The following CNKSR1 variants were observed in gnomAD, a reference collection of about 807,000 sequenced individuals.
The protein encoded by CNKSR1 is CNK homolog protein 1.
A neutral mutation model predicts 95.6 loss-of-function variants in CNKSR1; 88 were observed. The observed-to-expected ratio is 0.92, with a 90% CI of 0.78 to 1.10. The LOEUF (loss-of-function observed/expected upper bound fraction) is 1.10. Among genes scored for constraint, CNKSR1 ranks in the 50% least tolerant of loss-of-function variants. The pLI is 0.00. For synonymous variants in CNKSR1, 355 were observed against 369.7 expected, an observed-to-expected ratio of 0.96 and a Z score of 0.46; for missense variants, 836 against 912.0, an observed-to-expected ratio of 0.92 and a Z score of 1.07.
rs775999289 is a variant in CNKSR1, at chr1:26,185,065, G to A, written c.1187G>A (p.Arg396Gln). 3.5e-5 allele frequency: 56 copies of A among 1,605,158 alleles called. No homozygotes were observed. The highest frequency in any genetic ancestry group is 5.5e-5 in the South Asian group (5 of 90,348). Residue 396 changes from arginine to glutamine, a missense_variant, in exon 14 of 21, where the codon CGG becomes CAG. Physicochemically the swap from Arg to Gln is conservative, Grantham distance 43 (BLOSUM62 1). Coordinates refer to ENST00000361530, the MANE Select transcript of CNKSR1 (RefSeq NM_006314.3). The stretch of plus-strand genomic sequence containing the variant: ...CGGGTGTCATGCCGTGAGCTGGGCC[G>A]GCCGGACTGTGACGGCTGGCTCCTG... ...RRRVSCRELG[R>Q]PDCDGWLLLR...
chr1:26,179,415 T>C (rs2088610118), intron 1 of CNKSR1, among the ~76,000 whole-genome samples: 1 of 152,182 alleles, frequency 6.6e-6, no homozygotes, highest in African/African-American at 2.4e-5. Context: ...GGAATAGCAC[T>C]TGCAAGGACG....
intron 12 of CNKSR1, 39 bp downstream of exon 12, chr1:26,184,546 G>C (rs2088712248): frequency 6.2e-7 from 1 of 1,607,486 alleles, no homozygotes; most frequent in African/African-American, 1.3e-5. Context: ...GGTGGGTCTG[G>C]ACCTAGATCC....
At chr1:26,186,943 T>C (rs911799647) in intron 14 of CNKSR1, 7 of 512,506 alleles carry the variant, frequency 1.4e-5, no homozygotes, top group African/African-American at 5.8e-5. Flanking sequence ...GTTTCTCTGA[T>C]ATCTTTGGCT....
rs1027756190 is a variant in CNKSR1, at chr1:26,184,997, G to A, written c.1136-17G>A. The A allele has an allele frequency of 1.3e-6, 2 of 1,587,728 alleles. No homozygotes were observed. The highest frequency in any genetic ancestry group is 1.3e-5 in the African/African-American group (1 of 74,738). On this transcript the variant is annotated splice_polypyrimidine_tract_variant and intron_variant, in intron 13 of 20. Coordinates refer to ENST00000361530, the MANE Select transcript of CNKSR1 (RefSeq NM_006314.3). ...TTGCCAGCCCCTCACTGCCCAGCTT[G>A]TGCTGTGCTGCTACAGGCCTGGCGA...
chr1:26,180,646 A>T, intron 2 of CNKSR1, 36 bp downstream of exon 2: 2 of 1,613,992 alleles, frequency 1.2e-6, no homozygotes, highest in Non-Finnish European at 1.7e-6. Flanking sequence ...TGCAGCTTCC[A>T]CCAACCTGGG....
At chr1:26,180,286 T>G in intron 1 of CNKSR1, 167 bp from the exon 2 acceptor site, 1 of 798,302 alleles carries the variant, frequency 1.3e-6, no homozygotes. Flanking sequence ...TATACTTTCC[T>G]GCTTCTCAAC....
intron 1 of CNKSR1, among the ~76,000 whole-genome samples, chr1:26,178,797 G>C (rs1557618358): frequency 6.6e-6 from 1 of 152,224 alleles, no homozygotes; most frequent in East Asian, 1.9e-4. Context: ...CTCAATGCCT[G>C]GGTCTATTGG....
intron 20 of CNKSR1, 58 bp from the exon 21 acceptor site, chr1:26,189,221 C>T (rs1242295425): frequency 3.8e-6 from 6 of 1,599,750 alleles, no homozygotes; most frequent in South Asian, 2.2e-5. Context: ...AGTCTGGCCT[C>T]GGGCTCTGCC....
Position 26,180,827 on chromosome 1 carries a change from CT to C in CNKSR1, c.324del (p.Ile109LeufsTer29). On this transcript the variant is annotated frameshift_variant, in exon 3 of 21. Coordinates refer to ENST00000361530, the MANE Select transcript of CNKSR1 (RefSeq NM_006314.3). LOFTEE classifies it high-confidence loss of function. ...TGCCTGGGGGACTGTGCCAAGACCCCTATTGATGTCCTCTGTGCAGCTGTGG... is the reference window on the plus strand; with the variant it reads ...TGCCTGGGGGACTGTGCCAAGACCCCATTGATGTCCTCTGTGCAGCTGTGG... ...QGCLGDCAKTPIDVLCAAVEL... is the reference protein window; with the variant it reads ...QGCLGDCAKTXIDVLCAAVEL... The C allele has an allele frequency of 6.2e-7, 1 of 1,614,214 alleles. No homozygotes were observed. Among genetic ancestry groups the C allele is most frequent in the Non-Finnish European group, 8.5e-7 (1 of 1,180,044 alleles).
chr1:26,180,465 C>T lies in CNKSR1; in HGVS notation c.65C>T (p.Ser22Phe). 2 of 1,614,060 alleles carry T rather than the reference C, an allele frequency of 1.2e-6. No homozygotes were observed. The highest frequency in any genetic ancestry group is 1.7e-6 in the Non-Finnish European group (2 of 1,180,058). ...ACTCTCCCTCCAGGTCTTGACGACT[C>T]CCTGCAGGACTATCCCTTTGAGGAC... ...VATWLRGLDD[S>F]LQDYPFEDWQ... Residue 22 changes from serine (S) to phenylalanine (F), a missense_variant, in exon 2 of 21, where the codon TCC becomes TTC. Physicochemically the swap from Ser to Phe is radical, Grantham distance 155. Transcript: ENST00000361530.
Position 26,184,208 on chromosome 1 carries a change from C to T in CNKSR1, c.927-6C>T, listed in dbSNP as rs754480508. The T allele has an allele frequency of 6.2e-7, 1 of 1,612,914 alleles. No individual in the cohort carries two copies. The highest frequency in any genetic ancestry group is 1.7e-5 in the Admixed American group (1 of 59,942). On this transcript the variant is annotated splice_region_variant and splice_polypyrimidine_tract_variant and intron_variant, in intron 10 of 20. Transcript: ENST00000361530. Reference sequence around the variant, plus strand: ...GGGCTCATCTCATCCCCCTTGCCCTCCCCAGGGCCCCATCTGAAGACGTCT... The same window carrying T: ...GGGCTCATCTCATCCCCCTTGCCCTTCCCAGGGCCCCATCTGAAGACGTCT...
chr1:26,180,344 T>C (rs2088622586), intron 1 of CNKSR1, 109 bp from the exon 2 acceptor site: 1 of 1,354,330 alleles, frequency 7.4e-7, no homozygotes, highest in African/African-American at 1.4e-5. Flanking sequence ...GGTGTCAGAG[T>C]TGTCATTAGG....
intron 14 of CNKSR1, among the ~76,000 whole-genome samples, chr1:26,186,204 G>GA (rs1231925387): frequency 1.3e-5 from 2 of 152,242 alleles, no homozygotes; most frequent in African/African-American, 4.8e-5. Flanking sequence ...AGAAAACCAG[G>GA]AAGAGAAAGC....
intron 1 of CNKSR1, among the ~76,000 whole-genome samples, chr1:26,179,741 C>G (rs2088614825): frequency 6.6e-6 from 1 of 152,148 alleles, no homozygotes; most frequent in Non-Finnish European, 1.5e-5. Flanking sequence ...ATTACTTGCT[C>G]AAGTGTTCAC....
At chr1:26,178,087 C>T (rs1017033785) in intron 1 of CNKSR1, among the ~76,000 whole-genome samples, 7 of 152,196 alleles carry the variant, frequency 4.6e-5, no homozygotes, top group African/African-American at 1.4e-4. Context: ...ATGAGATGAC[C>T]CTGGGGGGCC....
In CNKSR1 at chr1:26,187,158, A is replaced by G. The variant is rs2088770175; in HGVS notation, c.1309-10A>G. ...GTTCCAACCTGACCCTCATGCTGTG[A>G]TCCCCCCAGGATGAGAAGGCTGAGG... On this transcript the variant is annotated splice_polypyrimidine_tract_variant and intron_variant, in intron 14 of 20. Transcript: ENST00000361530. 2 of 1,611,854 alleles carry G rather than the reference A, an allele frequency of 1.2e-6. No individual in the cohort carries two copies. Among genetic ancestry groups the G allele is most frequent in the Non-Finnish European group, 1.7e-6 (2 of 1,178,180 alleles).
In CNKSR1 at chr1:26,188,597, G is replaced by A. The variant is rs923549267; in HGVS notation, c.1591-1G>A. ...CTCTGTGCTTTCCACCCTGCCTGCA[G>A]CCCAGCCCTGCTCAAGCTGGGAGTC... On this transcript the variant is annotated splice_acceptor_variant, in intron 18 of 20. Transcript: ENST00000361530. LOFTEE classifies it high-confidence loss of function. The A allele has an allele frequency of 2.9e-5, 46 of 1,613,504 alleles. No homozygotes were observed. Among genetic ancestry groups the A allele is most frequent in the Non-Finnish European group, 3.6e-5 (42 of 1,179,842 alleles).
rs749122393 is a variant in CNKSR1 at position 26,181,919 on chromosome 1, A to T, written c.455A>T (p.Glu152Val). ...CAGGAGATCCGAGACTTGTTGGAGGAGCTGAGCCAGGTCTTGCATGAGGTA... is the reference window on the plus strand; with the variant it reads ...CAGGAGATCCGAGACTTGTTGGAGGTGCTGAGCCAGGTCTTGCATGAGGTA... ...ACQEIRDLLE[E>V]LSQVLHEDGP... is the part of the protein sequence containing the mutation. The change falls in exon 4 of 21, where the codon GAG (glutamate) becomes GTG (valine). Residue 152 changes from glutamate to valine, a missense_variant. Transcript: ENST00000361530. 2 of 1,613,950 alleles carry T rather than the reference A, an allele frequency of 1.2e-6. No homozygotes were observed. Among genetic ancestry groups the T allele is most frequent in the Non-Finnish European group, 1.7e-6 (2 of 1,179,880 alleles).
At position 26,188,788 on chromosome 1, in the gene CNKSR1, A is replaced by C. The variant is rs755719694; in HGVS notation, c.1707A>C (p.Ala569=). The part of the protein sequence containing the change: ...FGSLTDSSEE[A]LEGMVRGLRQ... Reference sequence around the variant, plus strand: ...CTCCCACAGACAGCAGTGAAGAGGCACTGGAAGGAATGGTACGGGGGCTGA... The same window carrying C: ...CTCCCACAGACAGCAGTGAAGAGGCCCTGGAAGGAATGGTACGGGGGCTGA... The change falls in exon 20 of 21, where the codon GCA becomes GCC. Residue 569 remains alanine, a synonymous_variant. Coordinates refer to ENST00000361530, the MANE Select transcript of CNKSR1 (RefSeq NM_006314.3). 1.2e-6 allele frequency: 2 copies of C among 1,609,982 alleles called. No homozygotes were observed. The highest frequency in any genetic ancestry group is 2.2e-5 in the South Asian group (2 of 91,014).
Sources: allele counts gnomAD v4.1 joint callset (sites outside exome capture counted in the v4.1 genomes callset), GRCh38; gene constraint gnomAD v4.1.1; transcripts MANE v1.5; gene names NCBI Gene and HGNC (gene_info 2026-07-23, HGNC 2026-07-21).